Variants in NRL observed in about 807,000 individuals in gnomAD.
NRL encodes neural retina-specific leucine zipper protein.
A neutral mutation model predicts 12.5 loss-of-function variants in NRL; 16 were observed. That is an observed-to-expected ratio of 1.28 (90% confidence interval 0.87 to 1.95). The LOEUF is 1.95. Ranked by LOEUF, NRL falls within the 30% of genes most tolerant of loss-of-function variation. The pLI, the probability that NRL is intolerant of heterozygous loss-of-function variation, is 0.00. For missense variants in NRL, 314 were observed against 325.8 expected (o/e 0.96, Z 0.28); for synonymous variants, 142 against 150.9 (o/e 0.94, Z 0.43).
Position 24,081,423 on chromosome 14 carries a change from C to T in NRL, c.527G>A (p.Cys176Tyr), listed in dbSNP as rs2036288965. Residue 176 changes from cysteine to tyrosine, a missense_variant, in exon 3 of 3, where the codon TGT (cysteine) becomes TAT (tyrosine). Transcript: ENST00000561028. The surrounding 1 kb of genome is among the most constrained non-coding windows in gnomAD (Gnocchi z 4.4). ...CCGCTGCTGCAGCCGCTTGGAGCGA[C>T]AGGCCTGCGCGTAGCCGCGGTTCTT... ...TLKNRGYAQA[C>Y]RSKRLQQRRG... 6.5e-7 allele frequency: 1 copy of T among 1,532,758 alleles called. No homozygotes were observed. The highest frequency in any genetic ancestry group is 1.8e-4 in the Middle Eastern group (1 of 5,410). The allele number at this position is 1,532,758 out of a possible 1,614,324, so 94.9% of individuals were successfully genotyped here. A position where few individuals can be genotyped will look rare whatever the true frequency, so the allele number is the denominator to read the frequency against.
At chr14:24,098,486 T>G in intron 1 of NRL, 1 of 1,614,062 alleles carries the variant, frequency 6.2e-7, no homozygotes, top group South Asian at 1.1e-5. Flanking sequence ...CCGCACCATG[T>G]ATGTGCTTCC....
chr14:24,081,415 T>C lies in NRL; in HGVS notation c.535A>G (p.Lys179Glu). 1 of 1,521,358 alleles carries C rather than the reference T, an allele frequency of 6.6e-7. No individual in the cohort carries two copies. Among genetic ancestry groups the C allele is most frequent in the Non-Finnish European group, 8.8e-7 (1 of 1,136,954 alleles). 94.2% of individuals were successfully genotyped at this position (1,521,358 alleles called of 1,614,324 possible). A position where few individuals can be genotyped will look rare whatever the true frequency, so the allele number is the denominator to read the frequency against. ...NRGYAQACRS[K>E]RLQQRRGLEA... is the part of the protein sequence containing the mutation. ...AGCCCGCGCCGCTGCTGCAGCCGCT[T>C]GGAGCGACAGGCCTGCGCGTAGCCG... The change falls in exon 3 of 3, where the codon AAG (lysine) becomes GAG (glutamate). Residue 179 changes from lysine (K) to glutamate (E), a missense_variant. Coordinates refer to ENST00000561028, the MANE Select transcript of NRL (RefSeq NM_001354768.3). The surrounding 1 kb of genome is among the most constrained non-coding windows in gnomAD (Gnocchi z 4.4).
At position 24,094,322 on chromosome 14, in the gene NRL, C is replaced by T. The variant is rs2138918336; in HGVS notation, c.-27-11447G>A. 1 of 1,376,080 alleles carries T rather than the reference C, an allele frequency of 7.3e-7. No homozygotes were observed. Among genetic ancestry groups the T allele is most frequent in the East Asian group, 2.6e-5 (1 of 38,140 alleles). 85.2% of individuals were successfully genotyped at this position (1,376,080 alleles called of 1,614,324 possible). ...CGCCAGCCTCTGCTGTGGCTCGCTT[C>T]GCCGCGCTCCCTCCTTCCCCGCCTT... On this transcript the variant is annotated intron_variant, in intron 1 of 2. Transcript: ENST00000561028. This position sits in a 1 kb window ranked among gnomAD's most constrained non-coding sequence, Gnocchi z 4.1.
intron 1 of NRL, among the ~76,000 whole-genome samples, chr14:24,104,328 TA>T (rs879343120): frequency 1.7e-3 from 246 of 143,030 alleles, no homozygotes; most frequent in Admixed American, 1.9e-3. Flanking sequence ...CCTGAGTTCT[TA>T]AAAAAAAAAA....
chr14:24,086,894 G>A (rs1264101853), intron 1 of NRL, among the ~76,000 whole-genome samples: 1 of 152,218 alleles, frequency 6.6e-6, no homozygotes, highest in African/African-American at 2.4e-5. Context: ...GGCCCAGTCT[G>A]GGCCAGAGGA....
chr14:24,094,060 C>A lies in NRL; in HGVS notation c.-27-11185G>T. On this transcript the variant is annotated intron_variant, in intron 1 of 2. Coordinates refer to ENST00000561028, the MANE Select transcript of NRL (RefSeq NM_001354768.3). This position sits in a 1 kb window ranked among gnomAD's most constrained non-coding sequence, Gnocchi z 4.1. ...GTTACATCATGTGCGGCTGGGAGGG[C>A]GGTGGCGGATGGGGGGCGGGGCCTC... 1 of 536,532 alleles carries A rather than the reference C, an allele frequency of 1.9e-6. No individual in the cohort carries two copies. The highest frequency in any genetic ancestry group is 3.3e-6 in the Non-Finnish European group (1 of 306,110). The allele number at this position is 536,532 out of a possible 1,614,324, so 33.2% of individuals were successfully genotyped here.
At chr14:24,103,893 G>T in intron 1 of NRL, 1 of 1,614,150 alleles carries the variant, frequency 6.2e-7, no homozygotes. Flanking sequence ...GACAGAGCAG[G>T]TCAACCAGGA....
chr14:24,091,402 G>C (rs1223257305), intron 1 of NRL, among the ~76,000 whole-genome samples: 1 of 152,178 alleles, frequency 6.6e-6, no homozygotes, highest in African/African-American at 2.4e-5. Flanking sequence ...CCCAGAAAAA[G>C]TTCACAGAAG....
rs574009579 is a variant in NRL at position 24,086,318 on chromosome 14, G to A, written c.-27-3443C>T. 9.8e-5 allele frequency among the ~76,000 whole-genome samples: 15 copies of A among 152,332 alleles called. No individual in the cohort carries two copies. The East Asian group carries it at 2.7e-3, about 27-fold the overall frequency. On this transcript the variant is annotated intron_variant, in intron 1 of 2. Coordinates refer to ENST00000561028, the MANE Select transcript of NRL (RefSeq NM_001354768.3). ...CATGTATATATGTCTGTCTGTGCATGTGTATGTGGTCTCTCCTACCATGCT... is the reference window on the plus strand; with the variant it reads ...CATGTATATATGTCTGTCTGTGCATATGTATGTGGTCTCTCCTACCATGCT...
rs1410411609 is a variant in NRL, at chr14:24,100,423, T to C, written c.-28+14299A>G. Reference sequence around the variant, plus strand: ...TTGTGATCTGGCTAAGTTGCTCAACTTCCCTAAGCTTTAGTTTCCACATCA... The same window carrying C: ...TTGTGATCTGGCTAAGTTGCTCAACCTCCCTAAGCTTTAGTTTCCACATCA... On this transcript the variant is annotated intron_variant, in intron 1 of 2. Coordinates refer to ENST00000561028, the MANE Select transcript of NRL (RefSeq NM_001354768.3). 7 of 1,113,990 alleles carry C rather than the reference T, an allele frequency of 6.3e-6. No individual in the cohort carries two copies. The East Asian group carries it at 8.0e-5, about 13-fold the overall frequency. The allele number at this position is 1,113,990 out of a possible 1,614,324, so 69.0% of individuals were successfully genotyped here.
intron 1 of NRL, chr14:24,102,579 T>C: frequency 1.6e-6 from 1 of 618,480 alleles, no homozygotes. Context: ...CTAAACAACC[T>C]GAGCTCTTGG....
rs1873456629 is a variant in NRL at position 24,081,697 on chromosome 14, C to T, written c.382-129G>A. 1 of 1,523,038 alleles carries T rather than the reference C, an allele frequency of 6.6e-7. No individual in the cohort carries two copies. The highest frequency in any genetic ancestry group is 2.5e-5 in the East Asian group (1 of 40,608). 94.3% of individuals were successfully genotyped at this position (1,523,038 alleles called of 1,614,324 possible). A position where few individuals can be genotyped will look rare whatever the true frequency, so the allele number is the denominator to read the frequency against. On this transcript the variant is annotated intron_variant, in intron 2 of 2. Transcript: ENST00000561028. The surrounding 1 kb of genome is among the most constrained non-coding windows in gnomAD (Gnocchi z 4.4). Reference sequence around the variant, plus strand: ...GCTCCCACCTTCACCGGAAGGCTCGCCCTTCCACGCAGTCTGTTTCGGTCC... The same window carrying T: ...GCTCCCACCTTCACCGGAAGGCTCGTCCTTCCACGCAGTCTGTTTCGGTCC...
intron 1 of NRL, chr14:24,099,229 A>G (rs1299046192): frequency 1.3e-6 from 2 of 1,593,578 alleles, no homozygotes; most frequent in Non-Finnish European, 1.7e-6. Flanking sequence ...CTGGCAGAGC[A>G]CATGCTGGTG....
At chr14:24,097,041 T>A in intron 1 of NRL, 1 of 1,613,438 alleles carries the variant, frequency 6.2e-7, no homozygotes, top group South Asian at 1.1e-5. Context: ...CCAGAGGGCA[T>A]CCACATCTGT....
intron 1 of NRL, chr14:24,098,201 A>G (rs1185312717): frequency 1.3e-6 from 2 of 1,591,698 alleles, no homozygotes. Flanking sequence ...CCTCTCCCCC[A>G]GCTGGCTGGC....
At chr14:24,086,869 G>A (rs1015583631) in intron 1 of NRL, among the ~76,000 whole-genome samples, 3 of 152,348 alleles carry the variant, frequency 2.0e-5, no homozygotes, top group Admixed American at 2.0e-4. Flanking sequence ...AAAGGAGCTG[G>A]GGGAGTGAGG....
In NRL at chr14:24,094,490, G is replaced by T; in HGVS notation, c.-27-11615C>A. Reference sequence around the variant, plus strand: ...CACCTTCCGCTGCGCTCGCCCCCTCGGGGCTGCCAGTGGCGCTCTCCTGCT... The same window carrying T: ...CACCTTCCGCTGCGCTCGCCCCCTCTGGGCTGCCAGTGGCGCTCTCCTGCT... On this transcript the variant is annotated intron_variant, in intron 1 of 2. Coordinates refer to ENST00000561028, the MANE Select transcript of NRL (RefSeq NM_001354768.3). The surrounding 1 kb of genome is among the most constrained non-coding windows in gnomAD (Gnocchi z 4.1). 6.8e-7 allele frequency: 1 copy of T among 1,479,598 alleles called. No individual in the cohort carries two copies. The highest frequency in any genetic ancestry group is 1.3e-5 in the South Asian group (1 of 75,650). 91.7% of individuals were successfully genotyped at this position (1,479,598 alleles called of 1,614,324 possible). A position where few individuals can be genotyped will look rare whatever the true frequency, so the allele number is the denominator to read the frequency against.
At chr14:24,102,721 G>T in intron 1 of NRL, 7 of 1,597,448 alleles carry the variant, frequency 4.4e-6, no homozygotes, top group Non-Finnish European at 6.0e-6. Flanking sequence ...ACATGACCTT[G>T]GAAATAATAG....
At chr14:24,099,414 A>T in intron 1 of NRL, 1 of 1,009,324 alleles carries the variant, frequency 9.9e-7, no homozygotes, top group Non-Finnish European at 1.4e-6. Context: ...CCCTGCCACT[A>T]ACCCAGGCCT....
Sources: gnomAD v4.1 joint callset for allele counts (sites outside exome capture counted in the v4.1 genomes callset) on GRCh38, gnomAD v4.1.1 for gene constraint, Gnocchi (gnomAD v3.1) non-coding constraint, MANE v1.5 for transcripts, NCBI Gene and HGNC (gene_info 2026-07-23, HGNC 2026-07-21) for gene names.